FBXO25: variants seen among roughly 807,000 people sequenced by gnomAD.
FBXO25 encodes F-box only protein 25.
Under a neutral mutation model 51.9 loss-of-function variants are expected in FBXO25, and 45 were observed. That is an observed-to-expected ratio of 0.87 (90% confidence interval 0.68 to 1.11). The LOEUF is 1.11. Among genes scored for constraint, FBXO25 ranks in the 50% most tolerant of loss-of-function variants. The pLI is 0.00. For missense variants in FBXO25, 507 were observed against 428.5 expected (o/e 1.18, Z -1.62); for synonymous variants, 199 against 151.0 (o/e 1.32, Z -2.33).
At chr8:459,682 C>T (rs190584788) in intron 8 of FBXO25, among the ~76,000 whole-genome samples, 2 of 152,342 alleles carry the variant, frequency 1.3e-5, no homozygotes, top group African/African-American at 4.8e-5. Flanking sequence ...CTGGCCTGAA[C>T]ATGGGCCTCA....
At chr8:408,301 A>T (rs1039252220) in intron 1 of FBXO25, among the ~76,000 whole-genome samples, 2 of 151,716 alleles carry the variant, frequency 1.3e-5, no homozygotes, top group African/African-American at 2.4e-5. Flanking sequence ...ACTTGAAATC[A>T]TATTAGTGAT....
At chr8:454,437 C>G (rs1245079758) in intron 7 of FBXO25, among the ~76,000 whole-genome samples, 2 of 152,172 alleles carry the variant, frequency 1.3e-5, no homozygotes, top group African/African-American at 2.4e-5. Context: ...TGAGGTGGGA[C>G]ACATGGATCA....
At chr8:420,993 C>T (rs1370112090) in intron 2 of FBXO25, among the ~76,000 whole-genome samples, 2 of 152,206 alleles carry the variant, frequency 1.3e-5, no homozygotes, top group African/African-American at 4.8e-5. Flanking sequence ...ACAAACTTAT[C>T]CCATAATCCA....
At position 474,939 on chromosome 8, in the gene FBXO25, G is replaced by A. The variant is rs934605096; in HGVS notation, c.*6135G>A. On this transcript the variant is annotated 3_prime_UTR_variant, in exon 10 of 10. Transcript: ENST00000350302. ...TTAAAATACTTTGTCCCATTCCGTGGATTGCCTTTCACTCTGTTTTGTTCT... is the reference window on the plus strand; with the variant it reads ...TTAAAATACTTTGTCCCATTCCGTGAATTGCCTTTCACTCTGTTTTGTTCT... 4 of 450,852 alleles carry A rather than the reference G, an allele frequency of 8.9e-6. No homozygotes were observed. The highest frequency in any genetic ancestry group is 1.6e-5 in the South Asian group (1 of 62,856). The allele number at this position is 450,852 out of a possible 1,614,324, so 27.9% of individuals were successfully genotyped here. A position where few individuals can be genotyped will look rare whatever the true frequency, so the allele number is the denominator to read the frequency against.
At position 477,405 on chromosome 8, in the gene FBXO25, T is replaced by A. The variant is rs757223651; in HGVS notation, c.*8601T>A. 1 of 152,276 alleles carries A rather than the reference T, an allele frequency of 6.6e-6. No individual in the cohort carries two copies. 9.4% of individuals were successfully genotyped at this position (152,276 alleles called of 1,614,324 possible). On this transcript the variant is annotated 3_prime_UTR_variant, in exon 10 of 10. Transcript: ENST00000350302. ...AACTATCCATTTCTTCCTTTGATTCTGTCAATGTTTGTTTCATATATTTTG... is the reference window on the plus strand; with the variant it reads ...AACTATCCATTTCTTCCTTTGATTCAGTCAATGTTTGTTTCATATATTTTG...
Position 450,290 on chromosome 8 carries a change from A to G in FBXO25, c.475+207A>G, listed in dbSNP as rs556806880. ...TACTTTTTTAAAGTTGCTTTTGCAT[A>G]CAAATGGATATATTAGGAAAAATAA... is the stretch of plus-strand genomic sequence containing the variant. On this transcript the variant is annotated intron_variant, in intron 6 of 9. Coordinates refer to ENST00000350302, the MANE Select transcript of FBXO25 (RefSeq NM_183420.2). Among the ~76,000 whole-genome samples the G allele has an allele frequency of 3.9e-5, 6 of 152,348 alleles. No individual in the cohort carries two copies. In the South Asian group the frequency reaches 1.2e-3, roughly 32 times the overall value.
At chr8:447,721 A>T (rs1241636789) in intron 5 of FBXO25, among the ~76,000 whole-genome samples, 1 of 152,190 alleles carries the variant, frequency 6.6e-6, no homozygotes, top group African/African-American at 2.4e-5. Flanking sequence ...CCTTATACAT[A>T]TTACCTGAAG....
intron 9 of FBXO25, chr8:468,109 G>C (rs987200091): frequency 7.5e-6 from 8 of 1,064,034 alleles, no homozygotes; most frequent in Middle Eastern, 4.3e-4. Flanking sequence ...CTAAGAGTCT[G>C]CCAGTCTTCA....
At chr8:463,611 C>G (rs1222615529) in intron 9 of FBXO25, among the ~76,000 whole-genome samples, 2 of 152,152 alleles carry the variant, frequency 1.3e-5, no homozygotes, top group Non-Finnish European at 2.9e-5. Context: ...AAGCCACATT[C>G]TTAGAAAAAA....
chr8:413,192 G>C lies in FBXO25; in HGVS notation c.113G>C (p.Arg38Pro), dbSNP rs10090550. 66 of 1,601,584 alleles carry C rather than the reference G, an allele frequency of 4.1e-5. No homozygotes were observed. The highest frequency in any genetic ancestry group is 5.3e-5 in the Non-Finnish European group (62 of 1,175,366). Residue 38 changes from arginine (R) to proline (P), a missense_variant, in exon 2 of 10, where the codon CGT becomes CCT. Arg to Pro is a moderately radical substitution (Grantham distance 103). Coordinates refer to ENST00000350302, the MANE Select transcript of FBXO25 (RefSeq NM_183420.2). The part of the protein sequence containing the change: ...CSQKLERENN[R>P]CNISHSIILN... ...CAGAAACTTGAAAGAGAGAATAACCGTTGTAACATCAGTCACAGCATGTAA... is the reference window on the plus strand; with the variant it reads ...CAGAAACTTGAAAGAGAGAATAACCCTTGTAACATCAGTCACAGCATGTAA...
rs1585121536 is a variant in FBXO25, at chr8:474,031, T to A, written c.*5227T>A. On this transcript the variant is annotated 3_prime_UTR_variant, in exon 10 of 10. Coordinates refer to ENST00000350302, the MANE Select transcript of FBXO25 (RefSeq NM_183420.2). Reference sequence around the variant, plus strand: ...ATACTGTGCAACCTTCTCTACCACGTATCCACAAGTTCAACTTTACAAGAT... The same window carrying A: ...ATACTGTGCAACCTTCTCTACCACGAATCCACAAGTTCAACTTTACAAGAT... 1 of 152,296 alleles carries A rather than the reference T, an allele frequency of 6.6e-6. No homozygotes were observed. The highest frequency in any genetic ancestry group is 1.9e-4 in the East Asian group (1 of 5,192). 9.4% of individuals were successfully genotyped at this position (152,296 alleles called of 1,614,324 possible).
intron 2 of FBXO25, among the ~76,000 whole-genome samples, chr8:428,199 C>G (rs1299234594): frequency 2.6e-5 from 4 of 152,044 alleles, no homozygotes; most frequent in Non-Finnish European, 5.9e-5. Flanking sequence ...ATTCCCTGTC[C>G]TTGGGATTGT....
chr8:420,312 C>G (rs1237226358), intron 2 of FBXO25: 1 of 152,182 alleles, frequency 6.6e-6, no homozygotes, highest in African/African-American at 2.4e-5. Flanking sequence ...GTGCCAAGTG[C>G]TGGCAGGAAT....
chr8:476,844 C>T lies in FBXO25; in HGVS notation c.*8040C>T, dbSNP rs970879019. ...ATTATAATCATCTCCATTCTGCTGG[C>T]TTTGGGTTGATTGCTCTTCTTTTTC... On this transcript the variant is annotated 3_prime_UTR_variant, in exon 10 of 10. Transcript: ENST00000350302. 4 of 152,022 alleles carry T rather than the reference C, an allele frequency of 2.6e-5. No individual in the cohort carries two copies. The highest frequency in any genetic ancestry group is 9.7e-5 in the African/African-American group (4 of 41,376). The allele number at this position is 152,022 out of a possible 1,614,324, so 9.4% of individuals were successfully genotyped here. A position where few individuals can be genotyped will look rare whatever the true frequency, so the allele number is the denominator to read the frequency against.
chr8:443,816 A>G (rs1274006567), intron 5 of FBXO25, among the ~76,000 whole-genome samples: 1 of 152,080 alleles, frequency 6.6e-6, no homozygotes, highest in Non-Finnish European at 1.5e-5. Context: ...GCTAGATTAC[A>G]TCCCTTTTTT....
At chr8:456,963 T>C (rs2278765) in intron 7 of FBXO25, among the ~76,000 whole-genome samples, 28,927 of 152,162 alleles carry the variant, frequency 0.19, 3,177 homozygotes, top group African/African-American at 0.29. Flanking sequence ...CAGGTGATTT[T>C]GAGAACCAAA....
At chr8:447,759 T>G (rs2116701492) in intron 5 of FBXO25, among the ~76,000 whole-genome samples, 1 of 152,344 alleles carries the variant, frequency 6.6e-6, no homozygotes, top group Middle Eastern at 3.4e-3. Context: ...TTTTAATAAT[T>G]TTGTGCAACC....
rs138113129 is a variant in FBXO25 at position 425,125 on chromosome 8, C to T, written c.135-6216C>T. ...AGAACTTTATCAATCATCCCAGAAGCGCCCCCCGCCCCCCACATGTCCCAT... is the reference window on the plus strand; with the variant it reads ...AGAACTTTATCAATCATCCCAGAAGTGCCCCCCGCCCCCCACATGTCCCAT... On this transcript the variant is annotated intron_variant, in intron 2 of 9. Coordinates refer to ENST00000350302, the MANE Select transcript of FBXO25 (RefSeq NM_183420.2). 3.1e-3 allele frequency among the ~76,000 whole-genome samples: 476 copies of T among 152,076 alleles called. 1 individual carries two copies. The highest frequency in any genetic ancestry group is 0.011 in the African/African-American group (440 of 41,514).
chr8:431,499 A>T, intron 3 of FBXO25, 55 bp downstream of exon 3: 1 of 893,846 alleles, frequency 1.1e-6, no homozygotes, highest in African/African-American at 1.7e-5. Flanking sequence ...GAAATACTAA[A>T]TTACTCTGAC....
Sources: allele counts gnomAD v4.1 joint callset (sites outside exome capture counted in the v4.1 genomes callset), GRCh38; gene constraint gnomAD v4.1.1; transcripts MANE v1.5; gene names NCBI Gene and HGNC (gene_info 2026-07-23, HGNC 2026-07-21).